CDH12: variants seen among roughly 807,000 people sequenced by gnomAD.
CDH12 encodes the protein cadherin 12.
In CDH12, 41 loss-of-function variants were observed where a neutral mutation model predicts 74.1. The observed-to-expected ratio is 0.55, with a 90% CI of 0.43 to 0.72. The LOEUF (loss-of-function observed/expected upper bound fraction) is 0.72, where lower values mean the gene tolerates loss of function less well. CDH12 is among the 30% of genes least tolerant of loss of function. CDH12 has a pLI of 0.00. For missense variants in CDH12, 945 were observed against 977.2 expected, an observed-to-expected ratio of 0.97 and a Z score of 0.44; for synonymous variants, 399 against 355.0, an observed-to-expected ratio of 1.12 and a Z score of -1.39.
chr5:21,751,749 A>T lies in CDH12; in HGVS notation c.2373T>A (p.Asp791Glu). The stretch of plus-strand genomic sequence containing the variant: ...CTCCACGACTCCCTTAAGTGACTTT[A>T]TCAGGGTTATAACTCTCTTCTTCGC... The part of the protein sequence containing the change: ...MFGEEESYNP[D>E]KVT The change falls in exon 15 of 15, where the codon GAT becomes GAA. Residue 791 changes from aspartate (D) to glutamate (E), a missense_variant. Transcript: ENST00000382254. 6.2e-7 allele frequency: 1 copy of T among 1,612,008 alleles called. No homozygotes were observed. The highest frequency in any genetic ancestry group is 8.5e-7 in the Non-Finnish European group (1 of 1,179,112).
chr5:22,505,257 T>A lies in CDH12; in HGVS notation c.-428+13A>T, dbSNP rs960419484. Reference sequence around the variant, plus strand: ...GTAAAAGCATATATCTTGATAAGATTTTTTTTACCTACCTTTAAAAAGGCT... The same window carrying A: ...GTAAAAGCATATATCTTGATAAGATATTTTTTACCTACCTTTAAAAAGGCT... On this transcript the variant is annotated intron_variant, in intron 2 of 14. Coordinates refer to ENST00000382254, the MANE Select transcript of CDH12 (RefSeq NM_004061.5). 26 of 932,960 alleles carry A rather than the reference T, an allele frequency of 2.8e-5. No individual in the cohort carries two copies. The highest frequency in any genetic ancestry group is 3.3e-5 in the Non-Finnish European group (26 of 782,254). 57.8% of individuals were successfully genotyped at this position (932,960 alleles called of 1,614,324 possible). A position where few individuals can be genotyped will look rare whatever the true frequency, so the allele number is the denominator to read the frequency against.
intron 6 of CDH12, among the ~76,000 whole-genome samples, chr5:21,942,051 G>A (rs1755354009): frequency 6.6e-6 from 1 of 152,114 alleles, no homozygotes; most frequent in African/African-American, 2.4e-5. Context: ...TGTTCCAAAT[G>A]TGAACCCAAG....
At chr5:22,662,491 AAT>A (rs1375685418) in intron 1 of CDH12, among the ~76,000 whole-genome samples, 1 of 152,152 alleles carries the variant, frequency 6.6e-6, no homozygotes, top group Non-Finnish European at 1.5e-5. Context: ...ACACATATGC[AAT>A]GAGTCCCATC....
At chr5:22,244,784 GAA>G (rs1202090378) in intron 3 of CDH12, among the ~76,000 whole-genome samples, 4,539 of 123,222 alleles carry the variant, frequency 0.037, 96 homozygotes, top group Non-Finnish European at 0.042. Flanking sequence ...AAGAAAGAAA[GAA>G]AGAAAGAAAG....
intron 1 of CDH12, among the ~76,000 whole-genome samples, chr5:22,543,753 C>T (rs893599103): frequency 2.4e-4 from 37 of 152,276 alleles, no homozygotes; most frequent in African/African-American, 8.9e-4. Flanking sequence ...TAAACAATTT[C>T]TAAAGTAAGC....
chr5:22,151,857 C>T lies in CDH12; in HGVS notation c.-187+60641G>A, dbSNP rs542030382. The T allele has an allele frequency of 4.6e-3, 705 of 152,186 alleles. 3 individuals carry two copies. Among genetic ancestry groups the T allele is most frequent in the African/African-American group, 0.016 (677 of 41,530 alleles). 9.4% of individuals were successfully genotyped at this position (152,186 alleles called of 1,614,324 possible). On this transcript the variant is annotated intron_variant, in intron 4 of 14. Transcript: ENST00000382254. ...TAAAATAAAACGTTTCTGGTTTTCA[C>T]AGTAACTGATCTGATAATGTCAACT...
In CDH12 at chr5:22,074,779, A is replaced by G. The variant is rs1430111742; in HGVS notation, c.231+3667T>C. On this transcript the variant is annotated intron_variant, in intron 5 of 14. Transcript: ENST00000382254. ...AATGAGATACCATCTCACACCAGTT[A>G]GAATGGCAATCATTAAAAAGTCAGG... Among the ~76,000 whole-genome samples the G allele has an allele frequency of 2.0e-5, 3 of 152,186 alleles. No homozygotes were observed. The East Asian group carries it at 5.8e-4, about 29-fold the overall frequency.
chr5:22,257,232 A>G (rs927402263), intron 3 of CDH12, among the ~76,000 whole-genome samples: 1 of 152,158 alleles, frequency 6.6e-6, no homozygotes, highest in African/African-American at 2.4e-5. Context: ...TACTAAGCCT[A>G]ATACCTGGGT....
chr5:22,772,796 CT>C (rs1746878648), intron 1 of CDH12, among the ~76,000 whole-genome samples: 1 of 152,066 alleles, frequency 6.6e-6, no homozygotes, highest in East Asian at 1.9e-4. Context: ...TCTTAAACCA[CT>C]TCCTTTGGTA....
At chr5:21,808,286 A>G (rs1338965633) in intron 9 of CDH12, among the ~76,000 whole-genome samples, 1 of 152,054 alleles carries the variant, frequency 6.6e-6, no homozygotes, top group Non-Finnish European at 1.5e-5. Context: ...GGAACCAGTT[A>G]TGCCATATTA....
intron 5 of CDH12, among the ~76,000 whole-genome samples, chr5:22,024,526 T>C (rs1299209317): frequency 6.6e-6 from 1 of 152,200 alleles, no homozygotes; most frequent in Non-Finnish European, 1.5e-5. Context: ...CATTCATTTA[T>C]TTTTGATACA....
chr5:22,193,417 C>A (rs1346173412), intron 4 of CDH12, among the ~76,000 whole-genome samples: 1 of 152,214 alleles, frequency 6.6e-6, no homozygotes. Context: ...TTCTGCTTTA[C>A]ATAACATGTA....
chr5:21,952,558 T>A (rs1034919786), intron 6 of CDH12, among the ~76,000 whole-genome samples: 15 of 152,210 alleles, frequency 9.9e-5, no homozygotes, highest in African/African-American at 3.6e-4. Flanking sequence ...GTGACAGTTC[T>A]TGAGATCATG....
At chr5:22,448,335 A>G (rs1439789774) in intron 2 of CDH12, among the ~76,000 whole-genome samples, 2 of 151,982 alleles carry the variant, frequency 1.3e-5, no homozygotes, top group East Asian at 1.9e-4. Context: ...ATGCAAAAAA[A>G]AAATATGCCA....
intron 1 of CDH12, among the ~76,000 whole-genome samples, chr5:22,645,520 C>T (rs73062269): frequency 2.1e-3 from 324 of 152,096 alleles, no homozygotes; most frequent in African/African-American, 7.5e-3. Flanking sequence ...GGTAAAGATG[C>T]TATGAACATT....
chr5:22,102,878 G>GAAGATCC (rs1744226099), intron 4 of CDH12, among the ~76,000 whole-genome samples: 1 of 152,012 alleles, frequency 6.6e-6, no homozygotes, highest in African/African-American at 2.4e-5. Flanking sequence ...GATGCAGCAA[G>GAAGATCC]AAGATCCTCA....
intron 3 of CDH12, among the ~76,000 whole-genome samples, chr5:22,324,271 G>T (rs188049538): frequency 5.9e-5 from 9 of 152,034 alleles, no homozygotes; most frequent in African/African-American, 2.2e-4. Flanking sequence ...TTCATTTTAA[G>T]GTTATGGAAT....
chr5:22,177,455 C>T (rs1749403722), intron 4 of CDH12, among the ~76,000 whole-genome samples: 1 of 152,080 alleles, frequency 6.6e-6, no homozygotes, highest in Admixed American at 6.6e-5. Context: ...AATTATGTAG[C>T]ACAAGTAGAT....
chr5:22,716,611 T>TA (rs34809327), intron 1 of CDH12, among the ~76,000 whole-genome samples: 53 of 144,258 alleles, frequency 3.7e-4, no homozygotes, highest in African/African-American at 1.1e-3. Flanking sequence ...CCTGAAAACT[T>TA]AAAAAAAAAA....
Sources: allele counts gnomAD v4.1 joint callset (sites outside exome capture counted in the v4.1 genomes callset), GRCh38; gene constraint gnomAD v4.1.1; transcripts MANE v1.5; gene names NCBI Gene and HGNC (gene_info 2026-07-23, HGNC 2026-07-21).